Variants in PKD2L1 observed in about 807,000 individuals in gnomAD.
The protein encoded by PKD2L1 is polycystin 2 like 1, transient receptor potential cation channel, also known as polycystin-2-like protein 1.
A neutral mutation model predicts 93.0 loss-of-function variants in PKD2L1; 77 were observed. That is an observed-to-expected ratio of 0.83 (90% CI 0.69 to 1.00). The LOEUF is 1.00. PKD2L1 is among the 50% of genes least tolerant of loss of function. The pLI, the probability that PKD2L1 is intolerant of heterozygous loss-of-function variation, is 0.00. For missense variants in PKD2L1, 977 were observed against 990.9 expected (o/e 0.99, Z 0.19); for synonymous variants, 390 against 388.0 (o/e 1.01, Z -0.06).
intron 2 of PKD2L1, among the ~76,000 whole-genome samples, chr10:100,316,623 T>C (rs1849107222): frequency 6.6e-6 from 1 of 152,244 alleles, no homozygotes; most frequent in South Asian, 2.1e-4. Flanking sequence ...TCTCATCTGT[T>C]CTTTTCCTCC....
intron 2 of PKD2L1, among the ~76,000 whole-genome samples, chr10:100,316,128 G>A (rs1849096084): frequency 6.6e-6 from 1 of 152,216 alleles, no homozygotes; most frequent in African/African-American, 2.4e-5. Context: ...TTGTTTACAT[G>A]TCAGCCTTCC....
At chr10:100,317,538 AAAAC>A (rs753576173) in intron 2 of PKD2L1, among the ~76,000 whole-genome samples, 7 of 152,316 alleles carry the variant, frequency 4.6e-5, no homozygotes, top group African/African-American at 1.2e-4. Context: ...ACCCTATCTC[AAAAC>A]AAACAAACAA....
At chr10:100,315,777 A>G (rs963617421) in intron 2 of PKD2L1, among the ~76,000 whole-genome samples, 5 of 152,138 alleles carry the variant, frequency 3.3e-5, no homozygotes, top group African/African-American at 1.2e-4. Flanking sequence ...ACTCTTGCAT[A>G]TTCATAGCCT....
chr10:100,291,202 G>T, intron 12 of PKD2L1, 99 bp downstream of exon 12: 1 of 1,234,198 alleles, frequency 8.1e-7, no homozygotes, highest in Non-Finnish European at 1.1e-6. Flanking sequence ...TACTATCTAT[G>T]GGAGAGTTTT....
rs1159682520 is a variant in PKD2L1 at position 100,298,007 on chromosome 10, C to G, written c.732-401G>C. 2.6e-5 allele frequency among the ~76,000 whole-genome samples: 4 copies of G among 152,256 alleles called. No individual in the cohort carries two copies. In the East Asian group the frequency reaches 7.7e-4, roughly 29 times the overall value. On this transcript the variant is annotated intron_variant, in intron 4 of 15. Transcript: ENST00000318222. ...CCTTGAATAGTCCCCCTAAGGGAAG[C>G]ACCTGGACCAGGAGGAAAAGATCCT...
intron 2 of PKD2L1, among the ~76,000 whole-genome samples, chr10:100,300,494 C>A (rs1848651243): frequency 6.6e-6 from 1 of 152,128 alleles, no homozygotes; most frequent in Non-Finnish European, 1.5e-5. Context: ...CTGTAGGGAG[C>A]ACTAAGTTTT....
At chr10:100,298,349 T>C (rs764565631) in intron 4 of PKD2L1, among the ~76,000 whole-genome samples, 2 of 152,324 alleles carry the variant, frequency 1.3e-5, no homozygotes, top group Non-Finnish European at 2.9e-5. Context: ...CTGGAGGCTA[T>C]TGCTGTGTTT....
At chr10:100,295,390 C>T (rs1215025095) in intron 7 of PKD2L1, among the ~76,000 whole-genome samples, 2 of 145,708 alleles carry the variant, frequency 1.4e-5, no homozygotes, top group African/African-American at 5.1e-5. Context: ...CACTGCACTC[C>T]AGTCTGGGCA....
chr10:100,289,134 A>G (rs558804936), intron 14 of PKD2L1, 78 bp from the exon 15 acceptor site: 1 of 1,020,500 alleles, frequency 9.8e-7, no homozygotes, highest in East Asian at 2.4e-5. Context: ...ATCTGATTCC[A>G]GAGAACTCAG....
chr10:100,310,426 C>T (rs1848907764), intron 2 of PKD2L1, among the ~76,000 whole-genome samples: 1 of 152,084 alleles, frequency 6.6e-6, no homozygotes, highest in Non-Finnish European at 1.5e-5. Flanking sequence ...CATTCTTATC[C>T]AATATTAAAA....
intron 2 of PKD2L1, among the ~76,000 whole-genome samples, chr10:100,317,631 G>A (rs559278610): frequency 3.3e-5 from 5 of 152,284 alleles, no homozygotes; most frequent in South Asian, 2.1e-4. Flanking sequence ...CTGTATTCTC[G>A]TATCTGCTTC....
intron 6 of PKD2L1, 48 bp downstream of exon 6, chr10:100,296,932 T>A (rs1848552284): frequency 2.3e-6 from 3 of 1,286,194 alleles, no homozygotes; most frequent in Middle Eastern, 1.8e-4. Flanking sequence ...AGGGTGGAAC[T>A]CCCTCCTCAC....
At chr10:100,325,708 C>T (rs530889344) in intron 2 of PKD2L1, among the ~76,000 whole-genome samples, 1 of 152,290 alleles carries the variant, frequency 6.6e-6, no homozygotes, top group Non-Finnish European at 1.5e-5. Context: ...ATTAATTCTT[C>T]CTTCCTCACC....
Position 100,326,337 on chromosome 10 carries a change from T to C in PKD2L1, c.349+2874A>G, listed in dbSNP as rs547158315. Among the ~76,000 whole-genome samples, 4 of 152,334 alleles carry C rather than the reference T, an allele frequency of 2.6e-5. No homozygotes were observed. The South Asian group carries it at 8.3e-4, about 32-fold the overall frequency. ...CCACTTTGCTTCTCAAACTCTCTGC[T>C]CCAGCCACGTTGATGCACTTTAACC... On this transcript the variant is annotated intron_variant, in intron 2 of 15. Coordinates refer to ENST00000318222, the MANE Select transcript of PKD2L1 (RefSeq NM_016112.3).
Position 100,299,610 on chromosome 10 carries a change from C to A in PKD2L1, c.458G>T (p.Ser153Ile), listed in dbSNP as rs771762999. Residue 153 changes from serine to isoleucine, a missense_variant, in exon 3 of 16, where the codon AGC (serine) becomes ATC (isoleucine). By Grantham distance (142) the Ser-to-Ile change is moderately radical. Coordinates refer to ENST00000318222, the MANE Select transcript of PKD2L1 (RefSeq NM_016112.3). ...ACTCACATCCCAGAAGTCCGCCATG[C>A]TGCTGATGGCCTGAAAGGAGACTCC... ...DTGVSFQAIS[S>I]MADFWDFAQG... is the part of the protein sequence containing the mutation. 4.8e-5 allele frequency: 78 copies of A among 1,613,666 alleles called. No homozygotes were observed. The highest frequency in any genetic ancestry group is 6.5e-5 in the Non-Finnish European group (77 of 1,179,680).
intron 2 of PKD2L1, among the ~76,000 whole-genome samples, chr10:100,325,948 A>G (rs941166302): frequency 2.6e-4 from 40 of 152,188 alleles, no homozygotes; most frequent in Non-Finnish European, 2.2e-4. Context: ...TAATTGGGGA[A>G]GCGCCAGACC....
chr10:100,325,267 T>A (rs1277943568), intron 2 of PKD2L1, among the ~76,000 whole-genome samples: 2 of 152,168 alleles, frequency 1.3e-5, no homozygotes, highest in Admixed American at 1.3e-4. Context: ...GGGGGCTACA[T>A]CGTCCCCACT....
In PKD2L1 at chr10:100,328,421, C is replaced by T. The variant is rs568287778; in HGVS notation, c.349+790G>A. 2.6e-5 allele frequency among the ~76,000 whole-genome samples: 4 copies of T among 152,310 alleles called. No individual in the cohort carries two copies. In the South Asian group the frequency reaches 8.3e-4, roughly 32 times the overall value. On this transcript the variant is annotated intron_variant, in intron 2 of 15. Transcript: ENST00000318222. ...CCATCACCATACCATGTGTTTCCCT[C>T]CCTCTCTTAACAGGGATCTGAGATC... is the stretch of plus-strand genomic sequence containing the variant.
At chr10:100,328,185 T>C (rs949407032) in intron 2 of PKD2L1, among the ~76,000 whole-genome samples, 3 of 152,232 alleles carry the variant, frequency 2.0e-5, no homozygotes, top group African/African-American at 7.2e-5. Flanking sequence ...AATACAAAGT[T>C]GCTGTCATTA....
Sources: gnomAD v4.1 joint callset for allele counts (sites outside exome capture counted in the v4.1 genomes callset) on GRCh38, gnomAD v4.1.1 for gene constraint, MANE v1.5 for transcripts, NCBI Gene and HGNC (gene_info 2026-07-23, HGNC 2026-07-21) for gene names.